DLGAP2: variants seen among roughly 807,000 people sequenced by gnomAD.
The protein encoded by DLGAP2 is DLG associated protein 2.
A neutral mutation model predicts 100.3 loss-of-function variants in DLGAP2; 26 were observed. The observed-to-expected ratio is 0.26, with a 90% confidence interval of 0.19 to 0.36. DLGAP2 has a LOEUF of 0.36. Among genes scored for constraint, DLGAP2 ranks in the 10% least tolerant of loss-of-function variants. The probability of loss-of-function intolerance (pLI) is 1.00; values close to 1 mark genes in which losing one functional copy is unlikely to be tolerated. For synonymous variants in DLGAP2, 886 were observed against 630.1 expected, an observed-to-expected ratio of 1.41 and a Z score of -6.08; for missense variants, 1,858 against 1,453.2, an observed-to-expected ratio of 1.28 and a Z score of -4.53.
intron 2 of DLGAP2, among the ~76,000 whole-genome samples, chr8:1,163,762 C>G (rs1796938328): frequency 6.6e-6 from 1 of 152,216 alleles, no homozygotes; most frequent in Non-Finnish European, 1.5e-5. Context: ...GGGTGCAGGA[C>G]TTTCCTGCCT....
chr8:1,138,428 G>A (rs1399830273), intron 2 of DLGAP2, among the ~76,000 whole-genome samples: 1 of 152,210 alleles, frequency 6.6e-6, no homozygotes, highest in Admixed American at 6.5e-5. Context: ...TGCTGAACCT[G>A]TGCTTTCTGA....
intron 3 of DLGAP2, among the ~76,000 whole-genome samples, chr8:1,263,701 G>T (rs573425363): frequency 8.5e-5 from 13 of 152,220 alleles, no homozygotes; most frequent in African/African-American, 3.1e-4. Flanking sequence ...GGGAAAAAAT[G>T]ATAGGATTGC....
At chr8:1,442,091 T>C (rs1462430672) in intron 3 of DLGAP2, among the ~76,000 whole-genome samples, 1 of 152,228 alleles carries the variant, frequency 6.6e-6, no homozygotes, top group African/African-American at 2.4e-5. Flanking sequence ...AGAGTGAGCA[T>C]GTGTCTCCTC....
In DLGAP2 at chr8:1,420,111, G is replaced by C. The variant is rs1797046986; in HGVS notation, c.107-81255G>C. Among the ~76,000 whole-genome samples, 4 of 152,158 alleles carry C rather than the reference G, an allele frequency of 2.6e-5. No homozygotes were observed. The South Asian group carries it at 8.3e-4, about 32-fold the overall frequency. On this transcript the variant is annotated intron_variant, in intron 3 of 14. Transcript: ENST00000637795. The stretch of plus-strand genomic sequence containing the variant: ...CTTCAGTCCCTTTTCCCTTCCTGGA[G>C]GTCTGGGGTCGGGAGGGGCTGGAAG...
intron 2 of DLGAP2, among the ~76,000 whole-genome samples, chr8:961,676 C>G (rs150138953): frequency 6.6e-6 from 1 of 152,222 alleles, no homozygotes; most frequent in East Asian, 1.9e-4. Flanking sequence ...AAGTAACATA[C>G]TAGTATTTTT....
chr8:1,605,916 C>T (rs772548064), intron 6 of DLGAP2, among the ~76,000 whole-genome samples: 1 of 152,216 alleles, frequency 6.6e-6, no homozygotes, highest in Non-Finnish European at 1.5e-5. Context: ...CAAATCTCAG[C>T]TCGAGCTCGT....
At chr8:1,574,074 G>A (rs892392021) in intron 6 of DLGAP2, among the ~76,000 whole-genome samples, 3 of 152,142 alleles carry the variant, frequency 2.0e-5, no homozygotes, top group African/African-American at 7.2e-5. Context: ...TAGGGTAAGC[G>A]GTGGGTAGGA....
chr8:1,135,736 C>T (rs545477735), intron 2 of DLGAP2, among the ~76,000 whole-genome samples: 1 of 152,234 alleles, frequency 6.6e-6, no homozygotes, highest in African/African-American at 2.4e-5. Context: ...GATCCCTAAG[C>T]TTACCGATGC....
chr8:1,033,330 G>C (rs1211224755), intron 2 of DLGAP2, among the ~76,000 whole-genome samples: 1 of 152,194 alleles, frequency 6.6e-6, no homozygotes, highest in Non-Finnish European at 1.5e-5. Context: ...TCTTATCTCT[G>C]TCTCAAGAAG....
chr8:768,494 G>C (rs1163557852), intron 1 of DLGAP2, among the ~76,000 whole-genome samples: 4 of 134,076 alleles, frequency 3.0e-5, no homozygotes, highest in African/African-American at 1.1e-4. Flanking sequence ...GTGTGATCTT[G>C]GCTCACTGCA....
At chr8:808,281 T>TC (rs1796306106) in intron 1 of DLGAP2, among the ~76,000 whole-genome samples, 1 of 152,164 alleles carries the variant, frequency 6.6e-6, no homozygotes, top group Admixed American at 6.5e-5. Context: ...TTGGTGCAGC[T>TC]CCATCTCCAG....
chr8:1,130,321 G>A (rs563987862), intron 2 of DLGAP2, among the ~76,000 whole-genome samples: 1 of 152,262 alleles, frequency 6.6e-6, no homozygotes, highest in African/African-American at 2.4e-5. Context: ...AGATGTGATT[G>A]TATGGGTGTA....
At chr8:1,597,806 A>G (rs1485736536) in intron 6 of DLGAP2, among the ~76,000 whole-genome samples, 1 of 152,186 alleles carries the variant, frequency 6.6e-6, no homozygotes. Flanking sequence ...CAATCATGTC[A>G]TCTGCAAACA....
chr8:854,441 C>T (rs1034534131), intron 1 of DLGAP2, among the ~76,000 whole-genome samples: 1 of 152,044 alleles, frequency 6.6e-6, no homozygotes, highest in Non-Finnish European at 1.5e-5. Context: ...CAGTCTGAGG[C>T]CAGGAGGCTG....
intron 1 of DLGAP2, among the ~76,000 whole-genome samples, chr8:864,668 C>G (rs1157228410): frequency 6.6e-6 from 1 of 152,176 alleles, no homozygotes; most frequent in Admixed American, 6.5e-5. Flanking sequence ...ATGACAGTCA[C>G]CGGTGCACTT....
At chr8:1,282,093 G>A (rs1299445646) in intron 3 of DLGAP2, among the ~76,000 whole-genome samples, 1 of 142,834 alleles carries the variant, frequency 7.0e-6, no homozygotes, top group African/African-American at 2.8e-5. Flanking sequence ...GACATGGTGT[G>A]ACCTGAACCC....
At position 1,091,222 on chromosome 8, in the gene DLGAP2, C is replaced by T. The variant is rs187577967; in HGVS notation, c.74-167629C>T. Among the ~76,000 whole-genome samples the T allele has an allele frequency of 1.4e-3, 207 of 152,296 alleles. 1 individual carries two copies. Among genetic ancestry groups the T allele is most frequent in the African/African-American group, 4.7e-3 (195 of 41,560 alleles). ...CACTTCGTGAAGTACTGGAAGCACC[C>T]GGTCAGTCCCACTGGGCCACTGAAA... On this transcript the variant is annotated intron_variant, in intron 2 of 14. Transcript: ENST00000637795.
intron 10 of DLGAP2, among the ~76,000 whole-genome samples, chr8:1,672,921 C>G (rs1258853400): frequency 6.6e-6 from 1 of 152,130 alleles, no homozygotes; most frequent in Non-Finnish European, 1.5e-5. Context: ...GATTGGCACC[C>G]TGGCCCAGTA....
At chr8:769,049 C>T (rs189351964) in intron 1 of DLGAP2, among the ~76,000 whole-genome samples, 1 of 152,050 alleles carries the variant, frequency 6.6e-6, no homozygotes, top group African/African-American at 2.4e-5. Flanking sequence ...TTAGGTGAGA[C>T]AGTGCGTGCA....
Sources: gnomAD v4.1 joint callset for allele counts (sites outside exome capture counted in the v4.1 genomes callset) on GRCh38, gnomAD v4.1.1 for gene constraint, MANE v1.5 for transcripts, NCBI Gene and HGNC (gene_info 2026-07-23, HGNC 2026-07-21) for gene names.